Variants in PRDM16 observed in about 807,000 individuals in gnomAD.
The protein encoded by PRDM16 is PR/SET domain 16.
A neutral mutation model predicts 110.6 loss-of-function variants in PRDM16; 23 were observed. That is an observed-to-expected ratio of 0.21 (90% CI 0.15 to 0.29). PRDM16 has a LOEUF of 0.29. Among genes scored for constraint, PRDM16 ranks in the 10% least tolerant of loss-of-function variants. PRDM16 has a pLI of 1.00. For synonymous variants in PRDM16, 799 were observed against 781.8 expected (o/e 1.02, Z -0.37); for missense variants, 1,615 against 1,794.3 (o/e 0.90, Z 1.81).
At chr1:3,315,866 C>T (rs926915237) in intron 3 of PRDM16, among the ~76,000 whole-genome samples, 44 of 152,240 alleles carry the variant, frequency 2.9e-4, no homozygotes, top group Non-Finnish European at 4.9e-4. Context: ...GTGAGGGGCC[C>T]GGGATGAATG....
At chr1:3,387,593 C>T (rs1643222074) in intron 4 of PRDM16, among the ~76,000 whole-genome samples, 1 of 152,222 alleles carries the variant, frequency 6.6e-6, no homozygotes. Context: ...ACCGACGCTC[C>T]TGCCCATGTC....
At chr1:3,376,722 C>T (rs981085246) in intron 3 of PRDM16, among the ~76,000 whole-genome samples, 3 of 152,128 alleles carry the variant, frequency 2.0e-5, no homozygotes, top group African/African-American at 7.2e-5. Context: ...TCTCTCTCCC[C>T]TCACTCTTCC....
intron 1 of PRDM16, among the ~76,000 whole-genome samples, chr1:3,079,935 C>T (rs1001351965): frequency 3.9e-5 from 6 of 152,250 alleles, no homozygotes; most frequent in African/African-American, 9.6e-5. Flanking sequence ...CTTGGCTGCA[C>T]CTCGGTCCTT....
chr1:3,264,830 A>G (rs1161582384), intron 3 of PRDM16, among the ~76,000 whole-genome samples: 1 of 152,120 alleles, frequency 6.6e-6, no homozygotes, highest in African/African-American at 2.4e-5. Context: ...ACAAACAGAC[A>G]TATTTGGGAC....
chr1:3,279,436 A>G (rs1417155773), intron 3 of PRDM16, among the ~76,000 whole-genome samples: 1 of 152,222 alleles, frequency 6.6e-6, no homozygotes, highest in Non-Finnish European at 1.5e-5. Context: ...AAGTGGCCAC[A>G]CTGGCCGCAG....
At chr1:3,119,589 A>T (rs1643045039) in intron 1 of PRDM16, among the ~76,000 whole-genome samples, 1 of 152,062 alleles carries the variant, frequency 6.6e-6, no homozygotes, top group Admixed American at 6.5e-5. Context: ...TTTCTCTCTG[A>T]ATCAGGCTGC....
chr1:3,284,523 G>C (rs896631650), intron 3 of PRDM16, among the ~76,000 whole-genome samples: 1 of 152,204 alleles, frequency 6.6e-6, no homozygotes, highest in Non-Finnish European at 1.5e-5. Flanking sequence ...GCTTCTCCTG[G>C]CACTGTCGCC....
At chr1:3,248,846 C>A (rs1310115914) in intron 3 of PRDM16, among the ~76,000 whole-genome samples, 8 of 152,330 alleles carry the variant, frequency 5.3e-5, no homozygotes, top group African/African-American at 1.4e-4. Context: ...TAGCCCGGCC[C>A]GGGCAAAATG....
chr1:3,071,068 G>A (rs1641746589), intron 1 of PRDM16, among the ~76,000 whole-genome samples: 1 of 152,268 alleles, frequency 6.6e-6, no homozygotes, highest in Non-Finnish European at 1.5e-5. Context: ...TGCACCGCGG[G>A]CCTGCTCAGA....
chr1:3,349,578 C>A (rs1642438683), intron 3 of PRDM16, among the ~76,000 whole-genome samples: 1 of 152,184 alleles, frequency 6.6e-6, no homozygotes, highest in African/African-American at 2.4e-5. Flanking sequence ...CAGCTGACCC[C>A]TCTTTCCCAC....
At chr1:3,296,347 G>A (rs1450175177) in intron 3 of PRDM16, among the ~76,000 whole-genome samples, 1 of 152,226 alleles carries the variant, frequency 6.6e-6, no homozygotes, top group East Asian at 1.9e-4. Context: ...CCAGGGAGCT[G>A]CAGAAATGGA....
intron 1 of PRDM16, among the ~76,000 whole-genome samples, chr1:3,102,186 G>A (rs1215441910): frequency 6.6e-6 from 1 of 152,164 alleles, no homozygotes; most frequent in Non-Finnish European, 1.5e-5. Context: ...TGGGCAGTGA[G>A]TCCAGCCGCA....
At chr1:3,320,327 T>C (rs969770097) in intron 3 of PRDM16, among the ~76,000 whole-genome samples, 8 of 152,172 alleles carry the variant, frequency 5.3e-5, no homozygotes, top group Non-Finnish European at 5.9e-5. Context: ...TGTGTGTGTG[T>C]GCGTGTGTGT....
intron 3 of PRDM16, among the ~76,000 whole-genome samples, chr1:3,269,271 A>T (rs1557570083): frequency 6.6e-6 from 1 of 152,228 alleles, no homozygotes; most frequent in Non-Finnish European, 1.5e-5. Flanking sequence ...GGAGGAGGAC[A>T]GTCGGGGAGA....
At chr1:3,361,401 C>T (rs1642711072) in intron 3 of PRDM16, among the ~76,000 whole-genome samples, 1 of 152,246 alleles carries the variant, frequency 6.6e-6, no homozygotes, top group Non-Finnish European at 1.5e-5. Flanking sequence ...CTGCCCCCTC[C>T]CTCACAGCCA....
At chr1:3,082,137 C>T (rs989994974) in intron 1 of PRDM16, among the ~76,000 whole-genome samples, 2 of 152,194 alleles carry the variant, frequency 1.3e-5, no homozygotes, top group African/African-American at 4.8e-5. Context: ...GACCAAACCA[C>T]GGGAACTTGA....
chr1:3,340,614 G>A (rs1030523688), intron 3 of PRDM16, among the ~76,000 whole-genome samples: 2 of 152,170 alleles, frequency 1.3e-5, no homozygotes, highest in African/African-American at 4.8e-5. Flanking sequence ...GTGTCTTCAG[G>A]AAATAGAGCC....
chr1:3,286,169 C>G (rs1004078630), intron 3 of PRDM16, among the ~76,000 whole-genome samples: 2 of 152,206 alleles, frequency 1.3e-5, no homozygotes, highest in African/African-American at 4.8e-5. Flanking sequence ...GGGGCCTTTG[C>G]TCCCCTGAAG....
At chr1:3,392,697 G>T (rs1452057271) in intron 4 of PRDM16, among the ~76,000 whole-genome samples, 2 of 152,228 alleles carry the variant, frequency 1.3e-5, no homozygotes, top group African/African-American at 4.8e-5. Context: ...AAATGTAAAT[G>T]ATTTCTGTGT....
Sources: allele counts gnomAD v4.1 joint callset (sites outside exome capture counted in the v4.1 genomes callset), GRCh38; gene constraint gnomAD v4.1.1; transcripts MANE v1.5; gene names NCBI Gene and HGNC (gene_info 2026-07-23, HGNC 2026-07-21).